Variants in GSK3B observed in about 807,000 individuals in gnomAD.
GSK3B encodes glycogen synthase kinase-3 beta.
Under a neutral mutation model 56.4 loss-of-function variants are expected in GSK3B, and 15 were observed. The ratio of observed to expected loss-of-function variants is 0.27; its 90% CI spans 0.18 to 0.41. The LOEUF (loss-of-function observed/expected upper bound fraction) is 0.41. Among genes scored for constraint, GSK3B ranks in the 10% least tolerant of loss-of-function variants. The pLI is 1.00. For missense variants in GSK3B, 300 were observed against 513.4 expected, an observed-to-expected ratio of 0.58 and a Z score of 4.02; for synonymous variants, 181 against 188.9, an observed-to-expected ratio of 0.96 and a Z score of 0.34.
At chr3:119,989,644 C>G (rs530539741) in intron 2 of GSK3B, among the ~76,000 whole-genome samples, 3 of 145,740 alleles carry the variant, frequency 2.1e-5, no homozygotes, top group Non-Finnish European at 3.0e-5. Flanking sequence ...GAGTCTGACT[C>G]CAAAAAAAAA....
At chr3:119,851,080 G>A (rs1001947994) in intron 9 of GSK3B, among the ~76,000 whole-genome samples, 1 of 152,258 alleles carries the variant, frequency 6.6e-6, no homozygotes, top group African/African-American at 2.4e-5. Context: ...AAGCCACGTA[G>A]TTTATTAGGG....
chr3:120,004,815 G>A (rs1163722594), intron 1 of GSK3B, among the ~76,000 whole-genome samples: 1 of 152,082 alleles, frequency 6.6e-6, no homozygotes, highest in Non-Finnish European at 1.5e-5. Flanking sequence ...ACAAAGATGG[G>A]GAGAAACCAC....
chr3:120,038,741 A>G (rs903885249), intron 1 of GSK3B, among the ~76,000 whole-genome samples: 6 of 152,174 alleles, frequency 3.9e-5, no homozygotes, highest in Non-Finnish European at 7.3e-5. Context: ...TAAAACTTCT[A>G]AAAGATAACA....
intron 1 of GSK3B, among the ~76,000 whole-genome samples, chr3:120,042,312 T>C (rs977706713): frequency 6.6e-6 from 1 of 152,042 alleles, no homozygotes; most frequent in East Asian, 1.9e-4. Flanking sequence ...AGAATAAAAA[T>C]AGATATTGAC....
intron 1 of GSK3B, among the ~76,000 whole-genome samples, chr3:120,031,217 T>C (rs1394053244): frequency 6.6e-6 from 1 of 152,260 alleles, no homozygotes; most frequent in Non-Finnish European, 1.5e-5. Context: ...CTAAAACACA[T>C]TCTTAGCTGA....
chr3:120,061,358 T>G (rs1279212730), intron 1 of GSK3B, among the ~76,000 whole-genome samples: 1 of 152,256 alleles, frequency 6.6e-6, no homozygotes, highest in East Asian at 1.9e-4. Flanking sequence ...CTAGAGCATA[T>G]TCTCACAAAT....
At chr3:119,877,991 T>C (rs1291935899) in intron 7 of GSK3B, among the ~76,000 whole-genome samples, 1 of 152,178 alleles carries the variant, frequency 6.6e-6, no homozygotes. Context: ...TAGAAGAATG[T>C]AATGGTAAGT....
intron 8 of GSK3B, among the ~76,000 whole-genome samples, chr3:119,871,740 T>C (rs1266763313): frequency 1.3e-5 from 2 of 152,234 alleles, no homozygotes; most frequent in South Asian, 2.1e-4. Context: ...GTGGCTTCTC[T>C]GGGGAACAAC....
intron 1 of GSK3B, among the ~76,000 whole-genome samples, chr3:120,042,621 T>C (rs1196011339): frequency 6.6e-6 from 1 of 152,142 alleles, no homozygotes; most frequent in Non-Finnish European, 1.5e-5. Context: ...CAACAGCCAA[T>C]AATATAGTTA....
intron 10 of GSK3B, among the ~76,000 whole-genome samples, chr3:119,836,042 T>C (rs138477632): frequency 5.3e-4 from 81 of 152,274 alleles, no homozygotes; most frequent in African/African-American, 1.9e-3. Flanking sequence ...GGTATGTAGG[T>C]AACAGGAATT....
intron 8 of GSK3B, among the ~76,000 whole-genome samples, chr3:119,875,251 T>C (rs1329861300): frequency 1.3e-5 from 2 of 151,502 alleles, no homozygotes; most frequent in African/African-American, 4.9e-5. Flanking sequence ...TTATAAGAAC[T>C]TGAAGAAAAA....
chr3:119,878,396 C>T (rs931989929), intron 7 of GSK3B, among the ~76,000 whole-genome samples: 8 of 151,956 alleles, frequency 5.3e-5, no homozygotes, highest in South Asian at 2.1e-4. Flanking sequence ...TAGGGAAATG[C>T]TAATTAAAAC....
intron 9 of GSK3B, among the ~76,000 whole-genome samples, chr3:119,851,015 A>C (rs1186257586): frequency 5.3e-5 from 8 of 152,160 alleles, no homozygotes; most frequent in African/African-American, 1.9e-4. Flanking sequence ...AGAAAAATTA[A>C]TGTGATAAAA....
intron 3 of GSK3B, among the ~76,000 whole-genome samples, chr3:119,938,604 A>G (rs1317437427): frequency 2.0e-5 from 3 of 152,158 alleles, no homozygotes; most frequent in Non-Finnish European, 4.4e-5. Flanking sequence ...TAAAACGGAA[A>G]ATGTTTTAAA....
intron 2 of GSK3B, among the ~76,000 whole-genome samples, chr3:119,968,140 C>T (rs1009806398): frequency 5.9e-5 from 9 of 152,148 alleles, no homozygotes; most frequent in Non-Finnish European, 1.2e-4. Context: ...AGGCGTGAGC[C>T]ACCACGTCCA....
chr3:119,976,934 A>G (rs1238989856), intron 2 of GSK3B, among the ~76,000 whole-genome samples: 2 of 152,154 alleles, frequency 1.3e-5, no homozygotes, highest in East Asian at 3.9e-4. Context: ...GAAAACTTAA[A>G]AAGCACATTA....
chr3:120,060,146 G>A (rs1054966009), intron 1 of GSK3B, among the ~76,000 whole-genome samples: 3 of 152,112 alleles, frequency 2.0e-5, no homozygotes, highest in Admixed American at 2.0e-4. Context: ...GAAAGAGGGA[G>A]GGGAGAAGAA....
intron 4 of GSK3B, among the ~76,000 whole-genome samples, chr3:119,920,841 T>C (rs1292453057): frequency 6.6e-6 from 1 of 152,172 alleles, no homozygotes; most frequent in South Asian, 2.1e-4. Flanking sequence ...GGTGTATTTA[T>C]TTTTGGAAAA....
chr3:120,047,690 GAT>G (rs1346471433), intron 1 of GSK3B, among the ~76,000 whole-genome samples: 3 of 152,196 alleles, frequency 2.0e-5, no homozygotes, highest in Non-Finnish European at 4.4e-5. Context: ...GGAACAGAAT[GAT>G]GAGCAAAACC....
Sources: gnomAD v4.1 joint callset for allele counts (sites outside exome capture counted in the v4.1 genomes callset) on GRCh38, gnomAD v4.1.1 for gene constraint, MANE v1.5 for transcripts, NCBI Gene and HGNC (gene_info 2026-07-23, HGNC 2026-07-21) for gene names.